Variants in TSNARE1 observed in about 807,000 individuals in gnomAD.
TSNARE1 encodes t-SNARE domain-containing protein 1.
Under a neutral mutation model 62.0 loss-of-function variants are expected in TSNARE1, and 49 were observed. The observed-to-expected ratio is 0.79, with a 90% CI of 0.63 to 1.00. The LOEUF is 1.00. TSNARE1 is among the 50% of genes least tolerant of loss of function. TSNARE1 has a pLI of 0.00. For synonymous variants in TSNARE1, 328 were observed against 294.4 expected, an observed-to-expected ratio of 1.11 and a Z score of -1.17; for missense variants, 755 against 700.1, an observed-to-expected ratio of 1.08 and a Z score of -0.88.
At chr8:142,331,440 G>A (rs756538581) in intron 5 of TSNARE1, among the ~76,000 whole-genome samples, 1 of 152,218 alleles carries the variant, frequency 6.6e-6, no homozygotes, top group Non-Finnish European at 1.5e-5. Context: ...GGAGCAGCAT[G>A]GGGTCAGGGA....
intron 13 of TSNARE1, among the ~76,000 whole-genome samples, chr8:142,222,682 AT>A (rs1816417105): frequency 7.4e-5 from 5 of 67,318 alleles, no homozygotes; most frequent in Non-Finnish European, 1.4e-4. Flanking sequence ...TCATCCACTC[AT>A]CCACTCACTC....
chr8:142,241,995 C>T (rs1817685924), intron 12 of TSNARE1, among the ~76,000 whole-genome samples: 1 of 150,856 alleles, frequency 6.6e-6, no homozygotes, highest in Non-Finnish European at 1.5e-5. Context: ...GTCTCCATCT[C>T]ATGCCGTATA....
intron 12 of TSNARE1, among the ~76,000 whole-genome samples, chr8:142,242,335 T>C (rs796510034): frequency 3.9e-5 from 6 of 152,316 alleles, no homozygotes; most frequent in African/African-American, 1.4e-4. Flanking sequence ...AGGGAGAACT[T>C]TTCTTAACAC....
At chr8:142,339,163 A>G (rs1832182885) in intron 4 of TSNARE1, among the ~76,000 whole-genome samples, 1 of 152,152 alleles carries the variant, frequency 6.6e-6, no homozygotes, top group African/African-American at 2.4e-5. Flanking sequence ...GAGCACCACT[A>G]GGGGTCCTCA....
At chr8:142,312,778 A>C (rs574357908) in intron 9 of TSNARE1, among the ~76,000 whole-genome samples, 1 of 152,178 alleles carries the variant, frequency 6.6e-6, no homozygotes, top group South Asian at 2.1e-4. Context: ...AGGGTCCTGA[A>C]CTCTAATTTT....
At chr8:142,271,745 T>A (rs1299838140) in intron 12 of TSNARE1, 2 of 1,272,786 alleles carry the variant, frequency 1.6e-6, no homozygotes, top group East Asian at 6.1e-5. Context: ...CCCAGTGATC[T>A]GGAGGGTGAG....
rs879493514 is a variant in TSNARE1, at chr8:142,255,353, G to GCACCAT, written c.1446+19422_1446+19427dup. On this transcript the variant is annotated intron_variant, in intron 12 of 13. Transcript: ENST00000524325. ...TATCACCACCATCACCACCACCACA[G>GCACCAT]CACCATCACCATCACCATCATCATG... 4.6e-3 allele frequency among the ~76,000 whole-genome samples: 581 copies of GCACCAT among 127,486 alleles called. 1 individual carries two copies. Among genetic ancestry groups the GCACCAT allele is most frequent in the Non-Finnish European group, 7.7e-3 (457 of 59,592 alleles). 83.6% of individuals were successfully genotyped at this position (127,486 alleles called of 152,430 possible).
chr8:142,353,369 G>C (rs761781120), intron 2 of TSNARE1, among the ~76,000 whole-genome samples: 1 of 152,180 alleles, frequency 6.6e-6, no homozygotes. Flanking sequence ...TGGTCTCGGC[G>C]GGAAGGAGGA....
At chr8:142,396,321 C>A (rs1837894896) in intron 1 of TSNARE1, among the ~76,000 whole-genome samples, 1 of 152,142 alleles carries the variant, frequency 6.6e-6, no homozygotes. Context: ...CCACAGGCAA[C>A]CACAGCCTCT....
At chr8:142,296,990 G>A (rs113852968) in intron 10 of TSNARE1, among the ~76,000 whole-genome samples, 116 of 152,298 alleles carry the variant, frequency 7.6e-4, no homozygotes, top group African/African-American at 2.5e-3. Flanking sequence ...CACACGGCCC[G>A]CTACACTCTG....
chr8:142,331,095 A>G, intron 5 of TSNARE1, 125 bp from the exon 6 acceptor site: 1 of 789,830 alleles, frequency 1.3e-6, no homozygotes, highest in Non-Finnish European at 2.1e-6. Flanking sequence ...TGCTTGAGCC[A>G]GGGCAGACCA....
At chr8:142,314,102 C>G (rs1828114162) in intron 9 of TSNARE1, among the ~76,000 whole-genome samples, 1 of 152,202 alleles carries the variant, frequency 6.6e-6, no homozygotes. Context: ...TGTTTTCACC[C>G]AGGTTTCACA....
At chr8:142,356,402 T>C (rs1834738902) in intron 1 of TSNARE1, among the ~76,000 whole-genome samples, 1 of 152,114 alleles carries the variant, frequency 6.6e-6, no homozygotes, top group Non-Finnish European at 1.5e-5. Context: ...TAGGTCTCAG[T>C]AGGAGGCAGG....
chr8:142,237,759 A>G (rs144782489), intron 12 of TSNARE1, among the ~76,000 whole-genome samples: 2,472 of 152,264 alleles, frequency 0.016, 30 homozygotes, highest in Non-Finnish European at 0.025. Context: ...CCCCGGGTGG[A>G]TGCGGAGGGA....
chr8:142,330,997 A>C (rs760071955), intron 5 of TSNARE1, 27 bp from the exon 6 acceptor site: 1 of 1,609,326 alleles, frequency 6.2e-7, no homozygotes, highest in East Asian at 2.2e-5. Flanking sequence ...GGACAGGGTG[A>C]GGGCAGAAGG....
At chr8:142,236,059 C>T (rs960243569) in intron 12 of TSNARE1, among the ~76,000 whole-genome samples, 5 of 152,150 alleles carry the variant, frequency 3.3e-5, no homozygotes, top group African/African-American at 7.2e-5. Context: ...ACTCCGCAGC[C>T]AGGCTCCAGC....
At chr8:142,330,832 A>G (rs1463073660) in intron 6 of TSNARE1, 69 bp downstream of exon 6, 1 of 1,532,490 alleles carries the variant, frequency 6.5e-7, no homozygotes, top group Non-Finnish European at 9.0e-7. Flanking sequence ...CAGGAGGACC[A>G]CACTCCCGCC....
chr8:142,219,064 T>G (rs1816081534), intron 13 of TSNARE1, among the ~76,000 whole-genome samples: 1 of 152,140 alleles, frequency 6.6e-6, no homozygotes, highest in Admixed American at 6.5e-5. Context: ...TTGCTGCGGT[T>G]AGAAAACAAA....
At chr8:142,341,598 A>C (rs1203661644) in intron 4 of TSNARE1, among the ~76,000 whole-genome samples, 3 of 152,152 alleles carry the variant, frequency 2.0e-5, no homozygotes, top group Non-Finnish European at 2.9e-5. Flanking sequence ...GGACAGCACA[A>C]GGTAGAAGAG....
Sources: gnomAD v4.1 joint callset for allele counts (sites outside exome capture counted in the v4.1 genomes callset) on GRCh38, gnomAD v4.1.1 for gene constraint, MANE v1.5 for transcripts, NCBI Gene and HGNC (gene_info 2026-07-23, HGNC 2026-07-21) for gene names.